Variants in AFDN observed in about 807,000 individuals in gnomAD.
AFDN encodes afadin.
Under a neutral mutation model 216.6 loss-of-function variants are expected in AFDN, and 68 were observed. That is an observed-to-expected ratio of 0.31 (90% CI 0.26 to 0.38). AFDN has a LOEUF of 0.38. Ranked by LOEUF, AFDN falls within the 10% of genes least tolerant of loss-of-function variation. The pLI, the probability that AFDN is intolerant of heterozygous loss-of-function variation, is 1.00. For synonymous variants in AFDN, 868 were observed against 853.7 expected (o/e 1.02, Z -0.29); for missense variants, 2,136 against 2,342.0 (o/e 0.91, Z 1.82).
chr6:167,830,933 C>CTTT (rs71681602), intron 1 of AFDN, among the ~76,000 whole-genome samples: 1,273 of 79,332 alleles, frequency 0.016, 243 homozygotes, highest in East Asian at 0.039. Flanking sequence ...ATATTTGAAA[C>CTTT]TTTTTTTTTT....
intron 1 of AFDN, among the ~76,000 whole-genome samples, chr6:167,846,840 G>A (rs1457391744): frequency 2.0e-5 from 3 of 150,718 alleles, no homozygotes; most frequent in African/African-American, 4.9e-5. Context: ...TTAAAACTCT[G>A]AGTTAGTAGA....
At position 167,951,954 on chromosome 6, in the gene AFDN, C is replaced by G; in HGVS notation, c.4600C>G (p.Gln1534Glu). Residue 1534 changes from glutamine to glutamate, a missense_variant, in exon 30 of 34, where the codon CAG becomes GAG. Gln to Glu is a conservative substitution (Grantham distance 29). Around this residue, in one of 8 missense-constraint regions of AFDN, gnomAD observed 981 missense variants for 966.0 expected, o/e 1.02. Transcript: ENST00000683244. This position sits in a 1 kb window ranked among gnomAD's most constrained non-coding sequence, Gnocchi z 7.1. ...KRDAKEKLEK[Q>E]QQMHIVDMLS... ...GGACGCCAAGGAGAAGCTGGAGAAG[C>G]AGCAGCAGATGCACATCGTGGACAT... The G allele has an allele frequency of 1.2e-6, 2 of 1,614,176 alleles. No homozygotes were observed. The highest frequency in any genetic ancestry group is 1.7e-6 in the Non-Finnish European group (2 of 1,180,032).
chr6:167,875,646 G>A (rs1051431289), intron 5 of AFDN, 151 bp downstream of exon 5: 1 of 804,410 alleles, frequency 1.2e-6, no homozygotes, highest in Admixed American at 2.8e-5. Flanking sequence ...TACAAAATCA[G>A]CCTACCCTAT....
chr6:167,947,113 A>C (rs1795357816), intron 27 of AFDN, among the ~76,000 whole-genome samples: 1 of 152,254 alleles, frequency 6.6e-6, no homozygotes, highest in Non-Finnish European at 1.5e-5. Flanking sequence ...ATAAGCAAAT[A>C]CATTAATAAC....
chr6:167,904,406 C>T lies in AFDN; in HGVS notation c.1650+2020C>T, dbSNP rs561177324. The stretch of plus-strand genomic sequence containing the variant: ...GTATTTTTTAGTAGAGATCGTGTTT[C>T]GCCATGTTGCCCAGGCTGGTCTTGA... On this transcript the variant is annotated intron_variant, in intron 12 of 33. Coordinates refer to ENST00000683244, the MANE Select transcript of AFDN (RefSeq NM_001386888.1). 3.3e-5 allele frequency among the ~76,000 whole-genome samples: 5 copies of T among 152,142 alleles called. No homozygotes were observed. The East Asian group carries it at 5.8e-4, about 18-fold the overall frequency.
In AFDN at chr6:167,827,037, G is replaced by T. The variant is rs963304773; in HGVS notation, c.-96G>T. 4.5e-6 allele frequency: 2 copies of T among 447,438 alleles called. No individual in the cohort carries two copies. Among genetic ancestry groups the T allele is most frequent in the Non-Finnish European group, 5.9e-6 (2 of 337,320 alleles). The allele number at this position is 447,438 out of a possible 1,614,324, so 27.7% of individuals were successfully genotyped here. A position where few individuals can be genotyped will look rare whatever the true frequency, so the allele number is the denominator to read the frequency against. ...GCCGCGGAGGCGGAGGCGGCCGGCG[G>T]GGGGTGGCGAGGGGCGCCGGGCCCC... On this transcript the variant is annotated 5_prime_UTR_variant, in exon 1 of 34. Transcript: ENST00000683244.
chr6:167,920,159 G>A (rs1791596325), intron 21 of AFDN, among the ~76,000 whole-genome samples: 1 of 152,140 alleles, frequency 6.6e-6, no homozygotes, highest in Non-Finnish European at 1.5e-5. Flanking sequence ...TTAGGAAAGT[G>A]TGTGTGAAGG....
At chr6:167,924,864 T>A in intron 22 of AFDN, 141 bp from the exon 23 acceptor site, 3 of 732,092 alleles carry the variant, frequency 4.1e-6, no homozygotes, top group Non-Finnish European at 2.5e-6. Context: ...TTAATTGAAA[T>A]TTTTTTTACT....
intron 23 of AFDN, chr6:167,932,903 A>G (rs1793492776): frequency 6.6e-6 from 1 of 152,190 alleles, no homozygotes; most frequent in Non-Finnish European, 1.5e-5. Context: ...GTAGCTTGTA[A>G]TTACACACTC....
chr6:167,963,257 T>C (rs1583070243), intron 31 of AFDN: 1 of 1,063,334 alleles, frequency 9.4e-7, no homozygotes, highest in Non-Finnish European at 1.1e-6. Context: ...GCCGACGCCC[T>C]CTGGATGAAG....
At chr6:167,827,464 G>A (rs1400890242) in intron 1 of AFDN, among the ~76,000 whole-genome samples, 4 of 145,780 alleles carry the variant, frequency 2.7e-5, no homozygotes, top group Non-Finnish European at 6.1e-5. Flanking sequence ...GGCCGAGCGG[G>A]GGCTGGCGGG....
intron 23 of AFDN, among the ~76,000 whole-genome samples, chr6:167,939,637 T>TC (rs1794441500): frequency 6.6e-6 from 1 of 152,220 alleles, no homozygotes; most frequent in Non-Finnish European, 1.5e-5. Context: ...GGATATTTGT[T>TC]CCGTGAATGA....
At chr6:167,864,511 ATGT>A in intron 1 of AFDN, 37 bp from the exon 2 acceptor site, 5 of 1,551,926 alleles carry the variant, frequency 3.2e-6, no homozygotes, top group Non-Finnish European at 4.4e-6. Flanking sequence ...CCTTTTCAGA[ATGT>A]TGTTTTCCAA....
chr6:167,969,546 T>C (rs2128784575), intron 33 of AFDN, among the ~76,000 whole-genome samples: 1 of 152,310 alleles, frequency 6.6e-6, no homozygotes, highest in Middle Eastern at 3.4e-3. Context: ...CTTACAAGTT[T>C]TTTGAGAGTT....
chr6:167,964,099 A>T lies in AFDN; in HGVS notation c.4968+1532A>T. ...TGCTGAGAAACTCTTGGGTTATTTA[A>T]TTTTTCCAATGTGTTTTCATAACTC... On this transcript the variant is annotated intron_variant, in intron 31 of 33. Transcript: ENST00000683244. The T allele has an allele frequency of 1.9e-6, 2 of 1,063,796 alleles. 1 individual carries two copies. 65.9% of individuals were successfully genotyped at this position (1,063,796 alleles called of 1,614,324 possible).
chr6:167,870,626 C>T (rs559101945), intron 3 of AFDN, 128 bp downstream of exon 3: 3 of 490,312 alleles, frequency 6.1e-6, no homozygotes, highest in African/African-American at 5.9e-5. Context: ...CTTTTACCCT[C>T]CTCCCAGAAA....
At chr6:167,904,364 A>T (rs1031677467) in intron 12 of AFDN, among the ~76,000 whole-genome samples, 2 of 151,890 alleles carry the variant, frequency 1.3e-5, no homozygotes, top group African/African-American at 4.8e-5. Flanking sequence ...ACCTGCCACC[A>T]TGCTTGGCTA....
intron 12 of AFDN, among the ~76,000 whole-genome samples, chr6:167,906,726 A>G (rs1049355221): frequency 6.6e-6 from 1 of 152,228 alleles, no homozygotes; most frequent in Non-Finnish European, 1.5e-5. Context: ...TGAATTCATT[A>G]GGTATTGAGC....
intron 6 of AFDN, among the ~76,000 whole-genome samples, chr6:167,881,787 A>T (rs988116125): frequency 3.3e-5 from 5 of 152,182 alleles, no homozygotes; most frequent in Admixed American, 6.5e-5. Context: ...AAACAGGAGG[A>T]TGAAGTGAAA....
Sources: gnomAD v4.1 joint callset for allele counts (sites outside exome capture counted in the v4.1 genomes callset) on GRCh38, gnomAD v4.1.1 for gene constraint, gnomAD v4.1.1 regional missense constraint, Gnocchi (gnomAD v3.1) non-coding constraint, MANE v1.5 for transcripts, NCBI Gene and HGNC (gene_info 2026-07-23, HGNC 2026-07-21) for gene names.